Variants in UTRN observed in about 807,000 individuals in gnomAD.
UTRN encodes utrophin.
UTRN carries 283 observed loss-of-function variants against 463.9 expected under a neutral mutation model. That is an observed-to-expected ratio of 0.61 (90% CI 0.55 to 0.67). The LOEUF is 0.67. Ranked by LOEUF, UTRN falls within the 30% of genes least tolerant of loss-of-function variation. The probability of loss-of-function intolerance (pLI) is 0.00; values close to 1 mark genes in which losing one functional copy is unlikely to be tolerated. For missense variants in UTRN, 3,922 were observed against 4,084.3 expected, an observed-to-expected ratio of 0.96 and a Z score of 1.08; for synonymous variants, 1,442 against 1,431.5, an observed-to-expected ratio of 1.01 and a Z score of -0.17.
chr6:144,553,529 T>C (rs1006373922), intron 48 of UTRN, among the ~76,000 whole-genome samples: 1 of 152,236 alleles, frequency 6.6e-6, no homozygotes, highest in African/African-American at 2.4e-5. Flanking sequence ...TTCTACCTAC[T>C]TATTATCAGC....
chr6:144,652,080 G>C (rs1179542398), intron 51 of UTRN, among the ~76,000 whole-genome samples: 2 of 152,066 alleles, frequency 1.3e-5, no homozygotes, highest in African/African-American at 4.8e-5. Context: ...TTAAATTCTA[G>C]ATGGAAATTG....
chr6:144,331,404 A>G (rs1367818073), intron 2 of UTRN, among the ~76,000 whole-genome samples: 1 of 152,166 alleles, frequency 6.6e-6, no homozygotes, highest in East Asian at 1.9e-4. Context: ...ATACGCTATG[A>G]AAGTTATTCC....
At chr6:144,455,650 G>A (rs1040597173) in intron 19 of UTRN, among the ~76,000 whole-genome samples, 3 of 152,202 alleles carry the variant, frequency 2.0e-5, no homozygotes, top group African/African-American at 4.8e-5. Flanking sequence ...GTTATAGTGA[G>A]AATAACAGTG....
rs1804212049 is a variant in UTRN, at chr6:144,601,203, T to C, written c.7479+23915T>C. 2.6e-5 allele frequency among the ~76,000 whole-genome samples: 4 copies of C among 150,948 alleles called. No individual in the cohort carries two copies. The South Asian group carries it at 6.2e-4, about 23-fold the overall frequency. On this transcript the variant is annotated intron_variant, in intron 51 of 74. Coordinates refer to ENST00000367545, the MANE Select transcript of UTRN (RefSeq NM_007124.3). ...CCATTCTTCAGCCCATGGATCGAGA[T>C]GATATTTTGATTTTCAAGTCTTATT...
chr6:144,295,864 C>T (rs573303358), intron 2 of UTRN, among the ~76,000 whole-genome samples: 1 of 152,356 alleles, frequency 6.6e-6, no homozygotes, highest in East Asian at 1.9e-4. Context: ...GGACTTCTTT[C>T]TATTTCTCCA....
At chr6:144,798,088 G>T in intron 64 of UTRN, 98 bp downstream of exon 64, 1 of 1,533,024 alleles carries the variant, frequency 6.5e-7, no homozygotes, top group Middle Eastern at 1.7e-4. Context: ...CCATTTGGAG[G>T]TTTGCTTTCT....
intron 3 of UTRN, among the ~76,000 whole-genome samples, chr6:144,416,838 AC>A (rs1293729099): frequency 2.0e-5 from 3 of 152,228 alleles, no homozygotes; most frequent in Non-Finnish European, 4.4e-5. Context: ...AAGGAGAATG[AC>A]CTGAACTTGG....
chr6:144,475,624 CT>C (rs563312672), intron 25 of UTRN, among the ~76,000 whole-genome samples: 1 of 151,774 alleles, frequency 6.6e-6, no homozygotes, highest in Non-Finnish European at 1.5e-5. Flanking sequence ...GTTTTGTTTC[CT>C]TTTTTTTAGC....
intron 45 of UTRN, among the ~76,000 whole-genome samples, chr6:144,539,807 C>T (rs1437287138): frequency 6.6e-6 from 1 of 151,926 alleles, no homozygotes; most frequent in Admixed American, 6.6e-5. Context: ...TTTGAGAGGC[C>T]GAGATGGGGG....
intron 50 of UTRN, among the ~76,000 whole-genome samples, chr6:144,560,351 G>A (rs570247415): frequency 6.6e-6 from 1 of 152,214 alleles, no homozygotes; most frequent in South Asian, 2.1e-4. Context: ...AGTTCTGTCT[G>A]TAATTCCGCT....
At chr6:144,383,778 A>G (rs768064768) in intron 2 of UTRN, among the ~76,000 whole-genome samples, 2 of 152,216 alleles carry the variant, frequency 1.3e-5, no homozygotes, top group Non-Finnish European at 2.9e-5. Flanking sequence ...GAGTTCCAGC[A>G]AATAGTTCTA....
intron 66 of UTRN, among the ~76,000 whole-genome samples, chr6:144,821,352 A>C (rs539311850): frequency 1.3e-5 from 2 of 151,818 alleles, no homozygotes; most frequent in Non-Finnish European, 2.9e-5. Flanking sequence ...TTCATTATTT[A>C]TTTTCCTTTT....
At chr6:144,506,012 C>T (rs756077329) in intron 34 of UTRN, among the ~76,000 whole-genome samples, 4 of 151,728 alleles carry the variant, frequency 2.6e-5, no homozygotes, top group Non-Finnish European at 5.9e-5. Context: ...CTGTTATGCC[C>T]TTCTTTGTCT....
chr6:144,607,836 A>G (rs1156756394), intron 51 of UTRN, among the ~76,000 whole-genome samples: 2 of 152,212 alleles, frequency 1.3e-5, no homozygotes. Flanking sequence ...ACAAGGACTG[A>G]TGAAATAACC....
chr6:144,738,654 C>G (rs1180142784), intron 54 of UTRN, among the ~76,000 whole-genome samples: 3 of 152,164 alleles, frequency 2.0e-5, no homozygotes, highest in Non-Finnish European at 4.4e-5. Flanking sequence ...GAAAATTACA[C>G]AATTCATTGT....
At chr6:144,337,238 C>T (rs1284667736) in intron 2 of UTRN, among the ~76,000 whole-genome samples, 2 of 151,136 alleles carry the variant, frequency 1.3e-5, no homozygotes. Flanking sequence ...GGAGGGCCAC[C>T]CTGGGAGGAA....
At chr6:144,839,100 G>T (rs1417401850) in intron 71 of UTRN, 73 bp from the exon 72 acceptor site, 4 of 1,222,084 alleles carry the variant, frequency 3.3e-6, no homozygotes, top group Non-Finnish European at 4.8e-6. Flanking sequence ...GGGCGGGGAA[G>T]TTAAAAAGGA....
At chr6:144,533,289 C>A in intron 43 of UTRN, 29 bp downstream of exon 43, 1 of 1,606,754 alleles carries the variant, frequency 6.2e-7, no homozygotes. Flanking sequence ...TTTGCAGGCA[C>A]AGGAGTGAAC....
intron 55 of UTRN, 72 bp downstream of exon 55, chr6:144,748,586 C>T (rs1791015146): frequency 6.5e-7 from 1 of 1,534,808 alleles, no homozygotes; most frequent in Non-Finnish European, 8.7e-7. Context: ...TAAAGAGAGC[C>T]ACGTATATAA....
Sources: gnomAD v4.1 joint callset for allele counts (sites outside exome capture counted in the v4.1 genomes callset) on GRCh38, gnomAD v4.1.1 for gene constraint, MANE v1.5 for transcripts, NCBI Gene and HGNC (gene_info 2026-07-23, HGNC 2026-07-21) for gene names.